MTFMT: variants seen among roughly 807,000 people sequenced by gnomAD.
MTFMT encodes mitochondrial methionyl-tRNA formyltransferase.
Under a neutral mutation model 51.8 loss-of-function variants are expected in MTFMT, and 47 were observed. The ratio of observed to expected loss-of-function variants is 0.91; its 90% CI spans 0.72 to 1.16. MTFMT has a LOEUF of 1.16. Among genes scored for constraint, MTFMT ranks in the 50% most tolerant of loss-of-function variants. MTFMT has a pLI of 0.00. For synonymous variants in MTFMT, 196 were observed against 176.7 expected (o/e 1.11, Z -0.87); for missense variants, 512 against 482.3 (o/e 1.06, Z -0.58).
chr15:65,002,870 G>A lies in MTFMT; in HGVS notation c.*192C>T, dbSNP rs1013098922. ...CCCAGCTACTCAGGAGGCTGAGGCA[G>A]GAGAATTGCTTGAACCTGGGAGGCG... On this transcript the variant is annotated 3_prime_UTR_variant, in exon 9 of 9. Transcript: ENST00000220058. The A allele has an allele frequency of 5.8e-6, 2 of 345,150 alleles. No individual in the cohort carries two copies. The highest frequency in any genetic ancestry group is 4.3e-5 in the African/African-American group (2 of 46,440). The allele number at this position is 345,150 out of a possible 1,614,324, so 21.4% of individuals were successfully genotyped here.
At chr15:65,009,398 C>A (rs1262305138) in intron 6 of MTFMT, among the ~76,000 whole-genome samples, 2 of 152,166 alleles carry the variant, frequency 1.3e-5, no homozygotes, top group African/African-American at 2.4e-5. Flanking sequence ...CTATTGATTT[C>A]TCTTCCCAAA....
chr15:65,018,347 T>A (rs186219213), intron 5 of MTFMT, among the ~76,000 whole-genome samples: 14 of 152,216 alleles, frequency 9.2e-5, no homozygotes, highest in African/African-American at 4.8e-5. Context: ...GTATTTTTAC[T>A]CTTAGTAGTA....
intron 6 of MTFMT, 29 bp downstream of exon 6, chr15:65,016,407 T>G: frequency 7.1e-7 from 1 of 1,412,130 alleles, no homozygotes; most frequent in South Asian, 1.3e-5. Flanking sequence ...ACCAACTAGG[T>G]AGAACTGCAA....
rs2086427240 is a variant in MTFMT, at chr15:65,026,701, A to G, written c.419+130T>C. ...ACTTTAAGCAAACATGTACAGAAAA[A>G]TAAAATGGTAAAAATAAAAAAAGAA... On this transcript the variant is annotated intron_variant, in intron 2 of 8. Transcript: ENST00000220058. 3 of 797,462 alleles carry G rather than the reference A, an allele frequency of 3.8e-6. No homozygotes were observed. The East Asian group carries it at 8.1e-5, about 22-fold the overall frequency. 49.4% of individuals were successfully genotyped at this position (797,462 alleles called of 1,614,324 possible).
intron 6 of MTFMT, among the ~76,000 whole-genome samples, chr15:65,014,198 T>A (rs1277019023): frequency 6.6e-6 from 1 of 152,164 alleles, no homozygotes; most frequent in Non-Finnish European, 1.5e-5. Flanking sequence ...CTCCTTATTG[T>A]CTTTCAGATT....
chr15:65,002,850 C>A lies in MTFMT; in HGVS notation c.*212G>T, dbSNP rs565851717. The A allele has an allele frequency of 6.7e-6, 2 of 297,044 alleles. No homozygotes were observed. The highest frequency in any genetic ancestry group is 1.2e-5 in the Non-Finnish European group (2 of 161,768). The allele number at this position is 297,044 out of a possible 1,614,324, so 18.4% of individuals were successfully genotyped here. ...TGGTGGCGTGTGCCTGTAATCCCAG[C>A]TACTCAGGAGGCTGAGGCAGGAGAA... On this transcript the variant is annotated 3_prime_UTR_variant, in exon 9 of 9. Transcript: ENST00000220058.
At chr15:65,007,633 A>C (rs2140475303) in intron 6 of MTFMT, among the ~76,000 whole-genome samples, 1 of 152,330 alleles carries the variant, frequency 6.6e-6, no homozygotes, top group East Asian at 1.9e-4. Flanking sequence ...TTTTATTGCT[A>C]AACTGCCTGG....
At chr15:65,005,247 AC>A (rs1178682458) in intron 7 of MTFMT, among the ~76,000 whole-genome samples, 1 of 152,238 alleles carries the variant, frequency 6.6e-6, no homozygotes, top group African/African-American at 2.4e-5. Flanking sequence ...AGGGGGAAAT[AC>A]ATAGGATGTT....
intron 6 of MTFMT, among the ~76,000 whole-genome samples, chr15:65,011,485 C>CTTTTTTTTTTTTTTT (rs536213292): frequency 1.3e-5 from 1 of 74,078 alleles, no homozygotes; most frequent in African/African-American, 6.5e-5. Flanking sequence ...TGTAAGCTGT[C>CTTTTTTTTTTTTTTT]TTTTTTTTTT....
chr15:65,004,975 A>C (rs766915585), intron 7 of MTFMT, 39 bp from the exon 8 acceptor site: 4 of 1,437,570 alleles, frequency 2.8e-6, no homozygotes, highest in South Asian at 1.2e-5. Context: ...CAAGAGAAAA[A>C]AGCAATTATG....
intron 8 of MTFMT, among the ~76,000 whole-genome samples, chr15:65,004,359 A>G (rs1414806871): frequency 6.6e-6 from 1 of 152,156 alleles, no homozygotes; most frequent in Non-Finnish European, 1.5e-5. Flanking sequence ...ACACCATATG[A>G]TGCAAAATAC....
intron 5 of MTFMT, among the ~76,000 whole-genome samples, chr15:65,018,197 T>C (rs1233414561): frequency 6.6e-6 from 1 of 151,402 alleles, no homozygotes; most frequent in Non-Finnish European, 1.5e-5. Context: ...CTTAACTATG[T>C]ATGAAACTAG....
intron 2 of MTFMT, among the ~76,000 whole-genome samples, chr15:65,025,783 C>T (rs1336757952): frequency 6.6e-6 from 1 of 152,048 alleles, no homozygotes; most frequent in Non-Finnish European, 1.5e-5. Flanking sequence ...TATTAGGGGA[C>T]TAGAGTTTGG....
At chr15:65,025,120 T>G in intron 2 of MTFMT, among the ~76,000 whole-genome samples, 1 of 150,106 alleles carries the variant, frequency 6.7e-6, no homozygotes, top group East Asian at 2.0e-4. Context: ...TGAGGCAGGG[T>G]ACAGTGGCTC....
chr15:65,023,798 A>T lies in MTFMT; in HGVS notation c.420-4T>A. The T allele has an allele frequency of 6.2e-7, 1 of 1,608,078 alleles. No individual in the cohort carries two copies. ...GGGATGAACATTCAATATGCCACTG[A>T]GTTAGAAAATGTAGAAATTAGTATG... On this transcript the variant is annotated splice_polypyrimidine_tract_variant and splice_region_variant and intron_variant, in intron 2 of 8. Coordinates refer to ENST00000220058, the MANE Select transcript of MTFMT (RefSeq NM_139242.4).
At chr15:65,021,412 G>C in intron 4 of MTFMT, 102 bp downstream of exon 4, 1 of 810,330 alleles carries the variant, frequency 1.2e-6, no homozygotes, top group Non-Finnish European at 2.0e-6. Flanking sequence ...ACTCTTTTTT[G>C]TTTTTAAGAA....
chr15:65,003,407 C>T (rs2086193683), intron 8 of MTFMT, among the ~76,000 whole-genome samples, 151 bp from the exon 9 acceptor site: 1 of 152,116 alleles, frequency 6.6e-6, no homozygotes, highest in South Asian at 2.1e-4. Flanking sequence ...CACTAAGTAA[C>T]ATGTAGAATT....
intron 8 of MTFMT, among the ~76,000 whole-genome samples, chr15:65,004,378 T>C (rs1165757780): frequency 2.0e-5 from 3 of 151,972 alleles, no homozygotes; most frequent in African/African-American, 7.3e-5. Context: ...ACCTAGGAAA[T>C]GGAAGGAATG....
Position 65,026,979 on chromosome 15 carries a change from G to C in MTFMT, c.271C>G (p.Pro91Ala). ...TATTGCTTCACTGGCAGTCCTTTTG[G>C]TGATGGGGAAGGCATTGTGACCACC... The part of the protein sequence containing the change: ...LEVVTMPSPS[P>A]KGLPVKQYAV... The change falls in exon 2 of 9, where the codon CCA becomes GCA. Residue 91 changes from proline to alanine, a missense_variant. Physicochemically the swap from Pro to Ala is conservative, Grantham distance 27. Coordinates refer to ENST00000220058, the MANE Select transcript of MTFMT (RefSeq NM_139242.4). The C allele has an allele frequency of 2.5e-6, 4 of 1,613,992 alleles. No homozygotes were observed. Among genetic ancestry groups the C allele is most frequent in the Non-Finnish European group, 3.4e-6 (4 of 1,179,890 alleles).
Sources: allele counts gnomAD v4.1 joint callset (sites outside exome capture counted in the v4.1 genomes callset), GRCh38; gene constraint gnomAD v4.1.1; transcripts MANE v1.5; gene names NCBI Gene and HGNC (gene_info 2026-07-23, HGNC 2026-07-21).